GLI3: variants seen among roughly 807,000 people sequenced by gnomAD.
GLI3 encodes the protein transcription activator GLI3.
A neutral mutation model predicts 100.8 loss-of-function variants in GLI3; 20 were observed. That is an observed-to-expected ratio of 0.20 (90% confidence interval 0.14 to 0.29). GLI3 has a LOEUF of 0.29. Among genes scored for constraint, GLI3 ranks in the 10% least tolerant of loss-of-function variants. GLI3 has a pLI of 1.00. For synonymous variants in GLI3, 938 were observed against 860.5 expected (o/e 1.09, Z -1.58); for missense variants, 2,040 against 2,128.5 (o/e 0.96, Z 0.82).
rs188656559 is a variant in GLI3 at position 41,985,153 on chromosome 7, C to G, written c.1498-6405G>C. Among the ~76,000 whole-genome samples the G allele has an allele frequency of 1.8e-3, 273 of 152,350 alleles. 5 individuals are homozygous for G. In the Middle Eastern group the frequency reaches 0.031, roughly 17 times the overall value. ...CAATTCATGCCTTTGCTACATTTCTCTCTCTTGAACCATTAAGATGCCACC... is the reference window on the plus strand; with the variant it reads ...CAATTCATGCCTTTGCTACATTTCTGTCTCTTGAACCATTAAGATGCCACC... On this transcript the variant is annotated intron_variant, in intron 10 of 14. Coordinates refer to ENST00000395925, the MANE Select transcript of GLI3 (RefSeq NM_000168.6).
At chr7:42,023,360 G>T (rs1158645952) in intron 10 of GLI3, 108 bp downstream of exon 10, 5 of 1,136,862 alleles carry the variant, frequency 4.4e-6, no homozygotes, top group Non-Finnish European at 5.3e-6. Flanking sequence ...TCTCCAGTTC[G>T]CAATGCGGCT....
At chr7:41,989,987 C>CAAAAA (rs60763223) in intron 10 of GLI3, among the ~76,000 whole-genome samples, 1 of 62,844 alleles carries the variant, frequency 1.6e-5, no homozygotes, top group Non-Finnish European at 3.6e-5. Context: ...ACTCTGTCTC[C>CAAAAA]AAAAAAAAAA....
At chr7:42,232,119 A>C (rs1788706142) in intron 1 of GLI3, among the ~76,000 whole-genome samples, 3 of 147,804 alleles carry the variant, frequency 2.0e-5, no homozygotes, top group African/African-American at 5.0e-5. Context: ...CTCCCCCACC[A>C]CCTAGCCCCC....
At chr7:42,029,467 C>T (rs1434611402) in intron 7 of GLI3, among the ~76,000 whole-genome samples, 2 of 152,146 alleles carry the variant, frequency 1.3e-5, no homozygotes, top group Non-Finnish European at 2.9e-5. Flanking sequence ...CCACGCATAC[C>T]CTCAACTCTC....
At chr7:42,054,978 G>A (rs963064431) in intron 4 of GLI3, among the ~76,000 whole-genome samples, 50 of 151,278 alleles carry the variant, frequency 3.3e-4, no homozygotes, top group African/African-American at 1.1e-3. Flanking sequence ...CTGGGCAAGA[G>A]AGTGAGACCT....
chr7:42,205,433 C>T (rs1285070181), intron 2 of GLI3, among the ~76,000 whole-genome samples: 5 of 152,160 alleles, frequency 3.3e-5, no homozygotes, highest in Non-Finnish European at 7.3e-5. Context: ...CAGCCTCAAC[C>T]CACTCCTAAT....
intron 10 of GLI3, among the ~76,000 whole-genome samples, chr7:42,018,663 C>CA: frequency 6.6e-6 from 1 of 152,198 alleles, no homozygotes; most frequent in Middle Eastern, 3.4e-3. Flanking sequence ...AATTTGTTTC[C>CA]AAATGGCAGC....
rs976707215 is a variant in GLI3, at chr7:41,972,135, A to C, written c.2103+202T>G. 2.6e-5 allele frequency among the ~76,000 whole-genome samples: 4 copies of C among 152,130 alleles called. No individual in the cohort carries two copies. Among genetic ancestry groups the C allele is most frequent in the African/African-American group, 9.7e-5 (4 of 41,430 alleles). On this transcript the variant is annotated intron_variant, in intron 13 of 14. Transcript: ENST00000395925. The surrounding 1 kb of genome is among the most constrained non-coding windows in gnomAD (Gnocchi z 4.4). Reference sequence around the variant, plus strand: ...GTGGTATGGTTCTGGGAGGGATTTTAAAAATCAGTTAGGAAACCTGGAAAC... The same window carrying C: ...GTGGTATGGTTCTGGGAGGGATTTTCAAAATCAGTTAGGAAACCTGGAAAC...
chr7:42,133,476 C>T (rs1786344699), intron 3 of GLI3, among the ~76,000 whole-genome samples: 2 of 152,092 alleles, frequency 1.3e-5, no homozygotes, highest in South Asian at 4.1e-4. Context: ...CGAGTTCCCT[C>T]CAAACACTGG....
At chr7:42,144,241 A>G (rs1204170857) in intron 3 of GLI3, among the ~76,000 whole-genome samples, 1 of 152,192 alleles carries the variant, frequency 6.6e-6, no homozygotes. Flanking sequence ...ATTGCTGAGG[A>G]ATCTTTGGGC....
At chr7:41,997,083 G>A (rs1382863838) in intron 10 of GLI3, among the ~76,000 whole-genome samples, 1 of 152,206 alleles carries the variant, frequency 6.6e-6, no homozygotes, top group Non-Finnish European at 1.5e-5. Flanking sequence ...TGTGAGTGGT[G>A]TGGGCGTTCA....
chr7:42,259,533 G>A (rs375534303), intron 1 of GLI3, among the ~76,000 whole-genome samples: 1 of 152,184 alleles, frequency 6.6e-6, no homozygotes, highest in African/African-American at 2.4e-5. Flanking sequence ...TAAAGCACTA[G>A]TACAGTGCCT....
At chr7:42,138,178 G>T (rs1033883924) in intron 3 of GLI3, among the ~76,000 whole-genome samples, 6 of 152,132 alleles carry the variant, frequency 3.9e-5, no homozygotes, top group Admixed American at 3.3e-4. Context: ...GTTTTTTAAT[G>T]AAAATAAATA....
Position 41,966,007 on chromosome 7 carries a change from C to G in GLI3, c.3066G>C (p.Pro1022=). Residue 1022 remains proline, a synonymous_variant, in exon 15 of 15, where the codon CCG becomes CCC. Transcript: ENST00000395925. This position sits in a 1 kb window ranked among gnomAD's most constrained non-coding sequence, Gnocchi z 5.8. ...TGCAGCTGCTGAGGCTGCTGAAGCG[C>G]GGCACACGAGGCAGGGCCAGGCCCT... ...GSEGLALPRV[P]RFSSLSSCNP... is the part of the protein sequence containing the mutation. 2 of 1,600,368 alleles carry G rather than the reference C, an allele frequency of 1.2e-6. No homozygotes were observed. Among genetic ancestry groups the G allele is most frequent in the South Asian group, 1.1e-5 (1 of 90,706 alleles).
rs747928273 is a variant in GLI3, at chr7:41,965,265, C to G, written c.3808G>C (p.Gly1270Arg). ...GCTTGAATCCCGGCACCACAGGCAC[C>G]GTCGAGTGCACCAGGGGCCACTGGC... is the stretch of plus-strand genomic sequence containing the variant. Reference protein sequence around the residue: ...RQPVAPGALDGACGAGIQASK... With the variant: ...RQPVAPGALDRACGAGIQASK... Residue 1270 changes from glycine to arginine, a missense_variant, in exon 15 of 15, where the codon GGT becomes CGT. Around this residue, in one of 5 missense-constraint regions of GLI3, gnomAD observed 1,041 missense variants for 924.0 expected, o/e 1.13. Coordinates refer to ENST00000395925, the MANE Select transcript of GLI3 (RefSeq NM_000168.6). The G allele has an allele frequency of 3.7e-6, 6 of 1,613,632 alleles. No homozygotes were observed. The highest frequency in any genetic ancestry group is 5.1e-6 in the Non-Finnish European group (6 of 1,179,688).
intron 3 of GLI3, among the ~76,000 whole-genome samples, chr7:42,132,774 C>G (rs962574507): frequency 6.6e-6 from 1 of 152,166 alleles, no homozygotes; most frequent in Non-Finnish European, 1.5e-5. Flanking sequence ...AATTGTTCAA[C>G]CAAATCTGAC....
chr7:42,064,347 G>A (rs1476383776), intron 4 of GLI3, among the ~76,000 whole-genome samples: 4 of 152,130 alleles, frequency 2.6e-5, no homozygotes, highest in Non-Finnish European at 5.9e-5. Flanking sequence ...GGATCTTAAA[G>A]ATCATTTAAT....
chr7:42,034,780 C>T (rs574070385), intron 7 of GLI3, among the ~76,000 whole-genome samples: 45 of 152,228 alleles, frequency 3.0e-4, no homozygotes, highest in South Asian at 2.5e-3. Context: ...TGACCAGAAC[C>T]CTTACCAGCT....
intron 13 of GLI3, among the ~76,000 whole-genome samples, chr7:41,970,203 C>A (rs1650312084): frequency 6.6e-6 from 1 of 151,932 alleles, no homozygotes; most frequent in Admixed American, 6.6e-5. Flanking sequence ...CATTTAGGAG[C>A]ATTAGACAGA....
Sources: allele counts gnomAD v4.1 joint callset (sites outside exome capture counted in the v4.1 genomes callset), GRCh38; gene constraint gnomAD v4.1.1; regional missense constraint gnomAD v4.1.1; non-coding constraint Gnocchi (gnomAD v3.1); transcripts MANE v1.5; gene names NCBI Gene and HGNC (gene_info 2026-07-23, HGNC 2026-07-21).